NRG3: variants seen among roughly 807,000 people sequenced by gnomAD.
The protein encoded by NRG3 is pro-neuregulin-3, membrane-bound isoform.
In NRG3, 31 loss-of-function variants were observed where a neutral mutation model predicts 66.9. That is an observed-to-expected ratio of 0.46 (90% CI 0.35 to 0.63). The LOEUF is 0.63. Among genes scored for constraint, NRG3 ranks in the 20% least tolerant of loss-of-function variants. The pLI, the probability that NRG3 is intolerant of heterozygous loss-of-function variation, is 0.00. For synonymous variants in NRG3, 393 were observed against 359.4 expected, an observed-to-expected ratio of 1.09 and a Z score of -1.06; for missense variants, 910 against 878.9, an observed-to-expected ratio of 1.04 and a Z score of -0.45.
intron 3 of NRG3, 43 bp from the exon 4 acceptor site, chr10:82,865,368 C>G: frequency 6.2e-7 from 1 of 1,608,246 alleles, no homozygotes; most frequent in Non-Finnish European, 8.5e-7. Context: ...TAACCTTTTT[C>G]TCTTTTTCTC....
chr10:82,069,745 G>A (rs1437301748), intron 1 of NRG3, among the ~76,000 whole-genome samples: 1 of 152,180 alleles, frequency 6.6e-6, no homozygotes, highest in Non-Finnish European at 1.5e-5. Flanking sequence ...AATAGTGATA[G>A]ATAGAGAAGT....
intron 1 of NRG3, among the ~76,000 whole-genome samples, chr10:82,081,551 T>G (rs2065395153): frequency 1.3e-5 from 2 of 152,182 alleles, no homozygotes. Context: ...AGGTTAACAG[T>G]CTTTCTAGGT....
intron 1 of NRG3, among the ~76,000 whole-genome samples, chr10:82,280,452 C>T (rs2079067557): frequency 6.6e-6 from 1 of 152,148 alleles, no homozygotes. Context: ...AATGCTTATT[C>T]ATTATACCCT....
At chr10:82,943,809 CA>C (rs1418401614) in intron 4 of NRG3, among the ~76,000 whole-genome samples, 2 of 152,002 alleles carry the variant, frequency 1.3e-5, no homozygotes, top group Non-Finnish European at 2.9e-5. Context: ...AGCCATCACA[CA>C]GGGGGGAAAA....
intron 1 of NRG3, among the ~76,000 whole-genome samples, chr10:82,238,887 T>G (rs2076873266): frequency 8.3e-6 from 1 of 120,528 alleles, no homozygotes; most frequent in African/African-American, 2.9e-5. Flanking sequence ...CACTTATTTT[T>G]AGTGCATTAT....
At chr10:82,256,806 C>A (rs2077752032) in intron 1 of NRG3, among the ~76,000 whole-genome samples, 1 of 152,098 alleles carries the variant, frequency 6.6e-6, no homozygotes, top group Admixed American at 6.5e-5. Flanking sequence ...AGAGGAAGGA[C>A]CAGAAATTCA....
chr10:82,615,098 A>G (rs2048557272), intron 2 of NRG3, among the ~76,000 whole-genome samples: 1 of 152,188 alleles, frequency 6.6e-6, no homozygotes, highest in Admixed American at 6.5e-5. Context: ...TGAAGATGAT[A>G]TTAAATATTC....
At chr10:82,462,797 TG>T (rs1271143263) in intron 2 of NRG3, among the ~76,000 whole-genome samples, 1 of 152,164 alleles carries the variant, frequency 6.6e-6, no homozygotes, top group Admixed American at 6.5e-5. Flanking sequence ...TTGAGTTTAT[TG>T]AGTGGGAGAT....
intron 1 of NRG3, among the ~76,000 whole-genome samples, chr10:82,130,832 G>C (rs2068771201): frequency 6.6e-6 from 1 of 152,026 alleles, no homozygotes; most frequent in Admixed American, 6.6e-5. Flanking sequence ...TGCCATTCGT[G>C]TGTCTTTTTT....
At chr10:81,897,099 C>T (rs2132616910) in intron 1 of NRG3, among the ~76,000 whole-genome samples, 1 of 152,158 alleles carries the variant, frequency 6.6e-6, no homozygotes, top group Non-Finnish European at 1.5e-5. Flanking sequence ...ACGGCAATAC[C>T]TGAAACAGAA....
Position 82,597,821 on chromosome 10 carries a change from C to T in NRG3, c.954-140756C>T, listed in dbSNP as rs1044091112. Among the ~76,000 whole-genome samples, 13 of 151,226 alleles carry T rather than the reference C, an allele frequency of 8.6e-5. No homozygotes were observed. The East Asian group carries it at 1.8e-3, about 21-fold the overall frequency. Reference sequence around the variant, plus strand: ...CTGTAGTCCTAGCTACTAGGGAGGCCGAGGCAGGAGAATTGCTTGAACCAG... The same window carrying T: ...CTGTAGTCCTAGCTACTAGGGAGGCTGAGGCAGGAGAATTGCTTGAACCAG... On this transcript the variant is annotated intron_variant, in intron 2 of 8. Transcript: ENST00000372141.
At chr10:82,244,388 G>T (rs2077141187) in intron 1 of NRG3, among the ~76,000 whole-genome samples, 1 of 152,160 alleles carries the variant, frequency 6.6e-6, no homozygotes, top group Admixed American at 6.5e-5. Flanking sequence ...GAGGGAGTGA[G>T]CAAAATGAGC....
chr10:82,567,329 C>T (rs866787088), intron 2 of NRG3, among the ~76,000 whole-genome samples: 8 of 151,872 alleles, frequency 5.3e-5, no homozygotes, highest in Middle Eastern at 3.4e-3. Context: ...TCAGAAATTC[C>T]GATGATTAAT....
At chr10:82,366,330 T>C (rs997558840) in intron 2 of NRG3, among the ~76,000 whole-genome samples, 3 of 152,204 alleles carry the variant, frequency 2.0e-5, no homozygotes, top group Non-Finnish European at 4.4e-5. Context: ...AGAGAAATTG[T>C]ACCAGTATCA....
At chr10:82,603,370 A>T (rs1024037214) in intron 2 of NRG3, among the ~76,000 whole-genome samples, 1 of 152,178 alleles carries the variant, frequency 6.6e-6, no homozygotes, top group South Asian at 2.1e-4. Context: ...GCTTCTGTAC[A>T]TGTCCTAGAA....
In NRG3 at chr10:82,659,761, T is replaced by C. The variant is rs530874257; in HGVS notation, c.954-78816T>C. Among the ~76,000 whole-genome samples, 4 of 152,302 alleles carry C rather than the reference T, an allele frequency of 2.6e-5. No homozygotes were observed. In the South Asian group the frequency reaches 6.2e-4, roughly 24 times the overall value. On this transcript the variant is annotated intron_variant, in intron 2 of 8. Coordinates refer to ENST00000372141, the MANE Select transcript of NRG3 (RefSeq NM_001010848.4). The stretch of plus-strand genomic sequence containing the variant: ...TAAGTTTGCCATATCTTATTTACCA[T>C]GAATGACTCTAGTAATGGCAATGCC...
chr10:82,638,387 G>A (rs1481130), intron 2 of NRG3, among the ~76,000 whole-genome samples: 95,814 of 152,016 alleles, frequency 0.63, 30,292 homozygotes, highest in Middle Eastern at 0.72. Context: ...AAATACTCAT[G>A]AAAAGTAAAA....
At chr10:82,783,925 G>A (rs2060228606) in intron 3 of NRG3, among the ~76,000 whole-genome samples, 1 of 151,944 alleles carries the variant, frequency 6.6e-6, no homozygotes, top group African/African-American at 2.4e-5. Flanking sequence ...AAAGAACAAA[G>A]CTGGAGGCAT....
At chr10:82,361,769 T>G (rs1461470169) in intron 2 of NRG3, among the ~76,000 whole-genome samples, 3 of 152,104 alleles carry the variant, frequency 2.0e-5, no homozygotes, top group Non-Finnish European at 4.4e-5. Context: ...TAGTAGTTAC[T>G]GGATTTTGTT....
Sources: gnomAD v4.1 joint callset for allele counts (sites outside exome capture counted in the v4.1 genomes callset) on GRCh38, gnomAD v4.1.1 for gene constraint, MANE v1.5 for transcripts, NCBI Gene and HGNC (gene_info 2026-07-23, HGNC 2026-07-21) for gene names.